FRMD4A: variants seen among roughly 807,000 people sequenced by gnomAD.
The protein encoded by FRMD4A is FERM domain-containing protein 4A.
FRMD4A carries 29 observed loss-of-function variants against 129.1 expected under a neutral mutation model. The observed-to-expected ratio is 0.22, with a 90% confidence interval of 0.17 to 0.31. The LOEUF is 0.31. Ranked by LOEUF, FRMD4A falls within the 10% of genes least tolerant of loss-of-function variation. FRMD4A has a pLI of 1.00. For synonymous variants in FRMD4A, 634 were observed against 571.6 expected (o/e 1.11, Z -1.56); for missense variants, 1,272 against 1,375.8 (o/e 0.92, Z 1.19).
At chr10:14,231,626 G>A (rs562056266) in intron 2 of FRMD4A, among the ~76,000 whole-genome samples, 12 of 152,292 alleles carry the variant, frequency 7.9e-5, no homozygotes, top group African/African-American at 2.2e-4. Flanking sequence ...GATTACAGGC[G>A]TGAGCCACTG....
At chr10:13,786,018 C>T (rs191882107) in intron 5 of FRMD4A, among the ~76,000 whole-genome samples, 76 of 152,314 alleles carry the variant, frequency 5.0e-4, no homozygotes, top group Non-Finnish European at 8.8e-4. Flanking sequence ...ATCCAGTCTA[C>T]CACTGATGGA....
chr10:13,835,351 T>C (rs2093856239), intron 3 of FRMD4A, among the ~76,000 whole-genome samples: 1 of 152,210 alleles, frequency 6.6e-6, no homozygotes, highest in Admixed American at 6.5e-5. Flanking sequence ...CAGTCATCAT[T>C]TTATATGTGG....
At chr10:13,720,726 G>T (rs1450520022) in intron 12 of FRMD4A, among the ~76,000 whole-genome samples, 1 of 152,170 alleles carries the variant, frequency 6.6e-6, no homozygotes, top group South Asian at 2.1e-4. Context: ...AAGTGACATC[G>T]AGTCAATATC....
chr10:13,780,237 G>C (rs1390062917), intron 6 of FRMD4A, among the ~76,000 whole-genome samples: 1 of 151,748 alleles, frequency 6.6e-6, no homozygotes, highest in Non-Finnish European at 1.5e-5. Flanking sequence ...TGAGGCGGGA[G>C]AATCGCTTGA....
chr10:13,673,768 G>GTTTT (rs1564576576), intron 16 of FRMD4A, among the ~76,000 whole-genome samples: 2 of 133,370 alleles, frequency 1.5e-5, no homozygotes, highest in African/African-American at 6.1e-5. Flanking sequence ...AGAAAGCATT[G>GTTTT]CTTTTTTTTT....
intron 2 of FRMD4A, among the ~76,000 whole-genome samples, chr10:13,865,681 C>T (rs2094358186): frequency 6.6e-6 from 1 of 151,896 alleles, no homozygotes. Flanking sequence ...GTGACCCTCC[C>T]CACCTTAGCC....
chr10:14,101,634 A>G (rs753987713), intron 2 of FRMD4A, among the ~76,000 whole-genome samples: 10 of 152,308 alleles, frequency 6.6e-5, no homozygotes, highest in Middle Eastern at 3.4e-3. Flanking sequence ...GACACGTTCT[A>G]CTTATGTCAT....
intron 16 of FRMD4A, 67 bp downstream of exon 16, chr10:13,674,844 A>G (rs2083838738): frequency 2.0e-6 from 3 of 1,497,662 alleles, no homozygotes; most frequent in Admixed American, 1.7e-5. Flanking sequence ...AGATCAAATG[A>G]CATCAGAAAG....
intron 2 of FRMD4A, among the ~76,000 whole-genome samples, chr10:13,995,193 G>A (rs1206193100): frequency 2.6e-5 from 4 of 152,294 alleles, no homozygotes; most frequent in East Asian, 1.9e-4. Context: ...ACAGAGTCCC[G>A]AAGATATTTT....
chr10:14,324,845 G>C (rs558405472), intron 2 of FRMD4A, among the ~76,000 whole-genome samples: 1 of 152,302 alleles, frequency 6.6e-6, no homozygotes, highest in East Asian at 1.9e-4. Flanking sequence ...ATTTTTAGTA[G>C]AGATGGGGTT....
At chr10:14,106,334 T>A (rs935842709) in intron 2 of FRMD4A, among the ~76,000 whole-genome samples, 1 of 152,248 alleles carries the variant, frequency 6.6e-6, no homozygotes, top group African/African-American at 2.4e-5. Context: ...TCATTTAATT[T>A]CTTTGCTTCC....
chr10:13,794,575 G>T (rs2093073598), intron 5 of FRMD4A, among the ~76,000 whole-genome samples: 1 of 152,042 alleles, frequency 6.6e-6, no homozygotes, highest in African/African-American at 2.4e-5. Context: ...TACTCAGGTG[G>T]GGCTCTGCAG....
chr10:13,655,000 C>CA (rs1311461351), intron 22 of FRMD4A: 1 of 161,642 alleles, frequency 6.2e-6, no homozygotes, highest in Non-Finnish European at 1.4e-5. Flanking sequence ...GAAAGGTTCT[C>CA]AGAGCCTGCT....
intron 17 of FRMD4A, among the ~76,000 whole-genome samples, chr10:13,667,177 G>A (rs896681997): frequency 1.3e-5 from 2 of 152,178 alleles, no homozygotes; most frequent in Non-Finnish European, 2.9e-5. Context: ...CTCCCAAAGT[G>A]CTGGGATTAC....
At chr10:14,014,666 G>A (rs1341049063) in intron 2 of FRMD4A, among the ~76,000 whole-genome samples, 1 of 152,186 alleles carries the variant, frequency 6.6e-6, no homozygotes, top group Non-Finnish European at 1.5e-5. Context: ...CGTAAGAACA[G>A]GACCAAGACA....
At chr10:13,846,759 C>A (rs536631780) in intron 3 of FRMD4A, among the ~76,000 whole-genome samples, 3 of 152,238 alleles carry the variant, frequency 2.0e-5, no homozygotes, top group Middle Eastern at 3.4e-3. Context: ...TGGAGGAACT[C>A]GAGAGTCAAA....
In FRMD4A at chr10:13,656,687, C is replaced by A. The variant is rs1415322494; in HGVS notation, c.2902G>T (p.Val968Leu). The change falls in exon 22 of 25, where the codon GTG (valine) becomes TTG (leucine). Residue 968 changes from valine to leucine, a missense_variant. This residue lies in a region of FRMD4A where 972 missense variants were observed against 892.3 expected (regional missense o/e 1.09). Coordinates refer to ENST00000357447, the MANE Select transcript of FRMD4A (RefSeq NM_018027.5). ...ATCCTGGTGACCCTGCTGTGCGCCA[C>A]GAAGGTGCTCTGGGAGGAGGTGCTG... ...QYSTSSQSTF[V>L]AHSRVTRMPQ... is the part of the protein sequence containing the mutation. The A allele has an allele frequency of 6.4e-7, 1 of 1,556,138 alleles. No individual in the cohort carries two copies. The highest frequency in any genetic ancestry group is 1.4e-5 in the African/African-American group (1 of 71,450).
chr10:14,042,566 G>A (rs1402677861), intron 2 of FRMD4A, among the ~76,000 whole-genome samples: 2 of 152,044 alleles, frequency 1.3e-5, no homozygotes, highest in Non-Finnish European at 2.9e-5. Flanking sequence ...TTTTCTTCAC[G>A]GCACCGAAGA....
At chr10:14,273,272 A>G (rs1466369634) in intron 2 of FRMD4A, among the ~76,000 whole-genome samples, 1 of 151,974 alleles carries the variant, frequency 6.6e-6, no homozygotes, top group East Asian at 1.9e-4. Context: ...AAAAATATAT[A>G]TATCTTTTTA....
Sources: gnomAD v4.1 joint callset for allele counts (sites outside exome capture counted in the v4.1 genomes callset) on GRCh38, gnomAD v4.1.1 for gene constraint, gnomAD v4.1.1 regional missense constraint, MANE v1.5 for transcripts, NCBI Gene and HGNC (gene_info 2026-07-23, HGNC 2026-07-21) for gene names.